The following CLSTN2 variants were observed in gnomAD, a reference collection of about 807,000 sequenced individuals.
CLSTN2 encodes calsyntenin 2, also known as calsyntenin-2.
In CLSTN2, 48 loss-of-function variants were observed where a neutral mutation model predicts 101.2. The ratio of observed to expected loss-of-function variants is 0.47; its 90% CI spans 0.38 to 0.60. The LOEUF is 0.60. Ranked by LOEUF, CLSTN2 falls within the 20% of genes least tolerant of loss-of-function variation. The probability of loss-of-function intolerance (pLI) is 0.00; values close to 1 mark genes in which losing one functional copy is unlikely to be tolerated. For missense variants in CLSTN2, 1,160 were observed against 1,238.2 expected (o/e 0.94, Z 0.95); for synonymous variants, 481 against 463.6 (o/e 1.04, Z -0.48).
intron 2 of CLSTN2, among the ~76,000 whole-genome samples, chr3:140,205,899 C>T (rs190353268): frequency 8.5e-5 from 13 of 152,224 alleles, no homozygotes; most frequent in Middle Eastern, 3.4e-3. Flanking sequence ...GTGGATGGAG[C>T]GCCTGTGTGC....
intron 5 of CLSTN2, among the ~76,000 whole-genome samples, chr3:140,439,391 C>T (rs60144438): frequency 0.029 from 4,342 of 152,316 alleles, 204 homozygotes; most frequent in African/African-American, 0.098. Context: ...TCTCTGCCAA[C>T]GTGCATGACT....
intron 1 of CLSTN2, among the ~76,000 whole-genome samples, chr3:139,952,656 C>T (rs973798394): frequency 3.3e-5 from 5 of 152,136 alleles, no homozygotes; most frequent in Admixed American, 6.5e-5. Flanking sequence ...GGGAGCAAAA[C>T]GGATGCCTAG....
At chr3:140,199,417 A>G (rs1020240068) in intron 2 of CLSTN2, among the ~76,000 whole-genome samples, 1 of 152,138 alleles carries the variant, frequency 6.6e-6, no homozygotes, top group Admixed American at 6.5e-5. Context: ...TTAATTTAGT[A>G]TGTCTGGAGT....
Position 140,568,950 on chromosome 3 carries a change from A to G in CLSTN2, c.*2697A>G, listed in dbSNP as rs1985430011. On this transcript the variant is annotated 3_prime_UTR_variant, in exon 17 of 17. Coordinates refer to ENST00000458420, the MANE Select transcript of CLSTN2 (RefSeq NM_022131.3). The stretch of plus-strand genomic sequence containing the variant: ...TGCAGAGAAACAGTGGTGACAACAA[A>G]TCAGAGCTGTTTCCCTCAACTCTGG... 6.6e-6 allele frequency: 1 copy of G among 152,226 alleles called. No individual in the cohort carries two copies. The highest frequency in any genetic ancestry group is 2.4e-5 in the African/African-American group (1 of 41,462). 9.4% of individuals were successfully genotyped at this position (152,226 alleles called of 1,614,324 possible).
intron 1 of CLSTN2, among the ~76,000 whole-genome samples, chr3:140,079,644 G>T (rs1420102110): frequency 6.6e-6 from 1 of 151,906 alleles, no homozygotes; most frequent in African/African-American, 2.4e-5. Context: ...CCAGCTACTT[G>T]GGAGGCTGAA....
chr3:140,437,134 T>C (rs11926945), intron 5 of CLSTN2, among the ~76,000 whole-genome samples: 23,880 of 151,212 alleles, frequency 0.16, 2,437 homozygotes, highest in South Asian at 0.33. Context: ...CTGCAAGGTC[T>C]GCCTCCCAGG....
chr3:140,116,937 C>T (rs2009253384), intron 1 of CLSTN2, among the ~76,000 whole-genome samples: 1 of 152,190 alleles, frequency 6.6e-6, no homozygotes, highest in Admixed American at 6.5e-5. Flanking sequence ...TACCATTTTA[C>T]CTTTTTTGAC....
chr3:140,472,804 G>A (rs1022894347), intron 8 of CLSTN2, among the ~76,000 whole-genome samples: 2 of 152,120 alleles, frequency 1.3e-5, no homozygotes, highest in African/African-American at 4.8e-5. Flanking sequence ...TGTGTGTTTT[G>A]GGGGTAGGGA....
intron 1 of CLSTN2, among the ~76,000 whole-genome samples, chr3:140,018,273 A>T (rs901896857): frequency 6.6e-6 from 1 of 152,200 alleles, no homozygotes; most frequent in African/African-American, 2.4e-5. Context: ...ACCCACTTGC[A>T]GTTGTAATGT....
chr3:140,459,892 C>G (rs1933518573), intron 7 of CLSTN2, 123 bp downstream of exon 7: 6 of 1,113,236 alleles, frequency 5.4e-6, no homozygotes, highest in South Asian at 2.9e-5. Flanking sequence ...TGAGAGGAAC[C>G]CTGCCAATAT....
intron 2 of CLSTN2, among the ~76,000 whole-genome samples, chr3:140,387,215 A>G (rs1345313424): frequency 2.0e-5 from 3 of 150,738 alleles, no homozygotes; most frequent in Non-Finnish European, 4.4e-5. Flanking sequence ...TGGAGCATCA[A>G]GGAGATCTCC....
At chr3:140,426,170 G>T (rs1376254153) in intron 5 of CLSTN2, among the ~76,000 whole-genome samples, 7 of 152,100 alleles carry the variant, frequency 4.6e-5, no homozygotes, top group Non-Finnish European at 8.8e-5. Flanking sequence ...GGACATGCAG[G>T]TTTGTTACAT....
At chr3:140,283,417 A>T (rs2086866661) in intron 2 of CLSTN2, among the ~76,000 whole-genome samples, 1 of 152,196 alleles carries the variant, frequency 6.6e-6, no homozygotes, top group African/African-American at 2.4e-5. Flanking sequence ...GAATATAGGG[A>T]CCAGAACAGG....
intron 2 of CLSTN2, among the ~76,000 whole-genome samples, chr3:140,306,848 TTTATTATTATTATTA>T (rs57111372): frequency 4.2e-4 from 60 of 141,968 alleles, no homozygotes; most frequent in African/African-American, 1.4e-3. Flanking sequence ...TTTTTGTCTT[TTTATTATTATTATTA>T]TTATTATTAT....
chr3:140,286,182 C>T (rs1484680060), intron 2 of CLSTN2, among the ~76,000 whole-genome samples: 1 of 152,138 alleles, frequency 6.6e-6, no homozygotes, highest in Non-Finnish European at 1.5e-5. Flanking sequence ...TGTCCAGGTC[C>T]TGATTCAAAT....
intron 7 of CLSTN2, among the ~76,000 whole-genome samples, chr3:140,462,251 T>C (rs1165958957): frequency 7.2e-5 from 11 of 152,198 alleles, no homozygotes; most frequent in South Asian, 4.1e-4. Context: ...CATTTCTCCA[T>C]GTGATAAAAT....
rs141626961 is a variant in CLSTN2 at position 140,195,327 on chromosome 3, A to C, written c.232+19254A>C. Among the ~76,000 whole-genome samples, 1,402 of 152,102 alleles carry C rather than the reference A, an allele frequency of 9.2e-3. 21 individuals are homozygous for C. The highest frequency in any genetic ancestry group is 0.032 in the African/African-American group (1,335 of 41,468). Reference sequence around the variant, plus strand: ...TGAGTTGCTTTCTCCTTCTGCTCCAAGTTTTGGATGTATGAGGTAAGAAGA... The same window carrying C: ...TGAGTTGCTTTCTCCTTCTGCTCCACGTTTTGGATGTATGAGGTAAGAAGA... On this transcript the variant is annotated intron_variant, in intron 2 of 16. Transcript: ENST00000458420.
intron 2 of CLSTN2, among the ~76,000 whole-genome samples, chr3:140,388,442 G>C (rs961690464): frequency 6.6e-6 from 1 of 152,214 alleles, no homozygotes; most frequent in East Asian, 1.9e-4. Flanking sequence ...AACATCAGCA[G>C]TTATTTTTGC....
At chr3:140,087,962 A>T (rs2008707291) in intron 1 of CLSTN2, among the ~76,000 whole-genome samples, 1 of 152,186 alleles carries the variant, frequency 6.6e-6, no homozygotes, top group Non-Finnish European at 1.5e-5. Context: ...GTCCCTATGC[A>T]TCTCATAGTC....
Sources: gnomAD v4.1 joint callset for allele counts (sites outside exome capture counted in the v4.1 genomes callset) on GRCh38, gnomAD v4.1.1 for gene constraint, MANE v1.5 for transcripts, NCBI Gene and HGNC (gene_info 2026-07-23, HGNC 2026-07-21) for gene names.